Variants in SLCO4C1 observed in about 807,000 individuals in gnomAD.
SLCO4C1 encodes organic anion transporter M1.
In SLCO4C1, 58 loss-of-function variants were observed where a neutral mutation model predicts 72.1. The ratio of observed to expected loss-of-function variants is 0.80; its 90% CI spans 0.65 to 1.00. The LOEUF is 1.00. Ranked by LOEUF, SLCO4C1 falls within the 50% of genes least tolerant of loss-of-function variation. The pLI is 0.00. For synonymous variants in SLCO4C1, 297 were observed against 312.5 expected (o/e 0.95, Z 0.52); for missense variants, 898 against 857.9 (o/e 1.05, Z -0.58).
chr5:102,284,991 TGGAAA>T (rs976149740), intron 2 of SLCO4C1, among the ~76,000 whole-genome samples: 9 of 152,156 alleles, frequency 5.9e-5, no homozygotes, highest in African/African-American at 2.2e-4. Flanking sequence ...AGCAATAATC[TGGAAA>T]GGAAAAGAAA....
Position 102,247,375 on chromosome 5 carries a change from A to G in SLCO4C1, c.1688T>C (p.Phe563Ser). 1 of 1,597,326 alleles carries G rather than the reference A, an allele frequency of 6.3e-7. No individual in the cohort carries two copies. Among genetic ancestry groups the G allele is most frequent in the South Asian group, 1.1e-5 (1 of 89,198 alleles). The change falls in exon 10 of 13, where the codon TTT (phenylalanine) becomes TCT (serine). Residue 563 changes from phenylalanine (F) to serine (S), a missense_variant. Physicochemically the swap from Phe to Ser is radical, Grantham distance 155 (BLOSUM62 -2). Coordinates refer to ENST00000310954, the MANE Select transcript of SLCO4C1 (RefSeq NM_180991.5). ...EITSTAETFG[F>S]EAKAGKCETH... The stretch of plus-strand genomic sequence containing the variant: ...TTCACATTTTCCAGCTTTAGCTTCA[A>G]AACCAAAAGTTTCTGCAGTGGATGT...
intron 8 of SLCO4C1, among the ~76,000 whole-genome samples, chr5:102,250,116 G>C (rs1748711571): frequency 6.6e-6 from 1 of 152,136 alleles, no homozygotes; most frequent in Admixed American, 6.6e-5. Context: ...CAGCTTCTCT[G>C]ACTTCCACCA....
intron 12 of SLCO4C1, 58 bp downstream of exon 12, chr5:102,239,193 A>G (rs1049497857): frequency 1.8e-5 from 21 of 1,158,816 alleles, no homozygotes; most frequent in African/African-American, 1.3e-4. Flanking sequence ...CAACAATGAG[A>G]TTTTTTTTTT....
intron 2 of SLCO4C1, among the ~76,000 whole-genome samples, chr5:102,287,062 A>C (rs1252879224): frequency 6.6e-6 from 1 of 152,170 alleles, no homozygotes; most frequent in Non-Finnish European, 1.5e-5. Context: ...ATTAAATTAC[A>C]TGTATAATTT....
intron 12 of SLCO4C1, among the ~76,000 whole-genome samples, chr5:102,238,949 C>T (rs1748486556): frequency 6.6e-6 from 1 of 151,994 alleles, no homozygotes; most frequent in Admixed American, 6.6e-5. Context: ...TTTTAGCTTT[C>T]GAGTATACTT....
Position 102,240,701 on chromosome 5 carries a change from A to T in SLCO4C1, c.1876+17T>A, listed in dbSNP as rs761940100. On this transcript the variant is annotated intron_variant, in intron 11 of 12. Coordinates refer to ENST00000310954, the MANE Select transcript of SLCO4C1 (RefSeq NM_180991.5). Reference sequence around the variant, plus strand: ...AAATAGCCAACAGTTAGCAATGAATAAAGAAAAATGGCATACCTAATAATC... The same window carrying T: ...AAATAGCCAACAGTTAGCAATGAATTAAGAAAAATGGCATACCTAATAATC... The T allele has an allele frequency of 6.2e-7, 1 of 1,603,758 alleles. No homozygotes were observed. The highest frequency in any genetic ancestry group is 8.5e-7 in the Non-Finnish European group (1 of 1,173,368).
intron 2 of SLCO4C1, among the ~76,000 whole-genome samples, chr5:102,289,812 AAT>A (rs1229073585): frequency 2.0e-5 from 3 of 152,294 alleles, no homozygotes; most frequent in African/African-American, 7.2e-5. Flanking sequence ...ACATTTTAAA[AAT>A]ACTCTCCATT....
chr5:102,238,910 A>G (rs917613250), intron 12 of SLCO4C1, among the ~76,000 whole-genome samples: 1 of 152,174 alleles, frequency 6.6e-6, no homozygotes, highest in Non-Finnish European at 1.5e-5. Flanking sequence ...CTAGATGACA[A>G]TCATTCCAGG....
chr5:102,291,226 TG>T (rs1267214964), intron 2 of SLCO4C1, 116 bp downstream of exon 2: 1 of 1,010,428 alleles, frequency 9.9e-7, no homozygotes, highest in East Asian at 2.4e-5. Flanking sequence ...ACCAGTGAGG[TG>T]TGGAAGAGAT....
intron 2 of SLCO4C1, among the ~76,000 whole-genome samples, chr5:102,279,768 A>T (rs1749318600): frequency 6.6e-6 from 1 of 152,062 alleles, no homozygotes; most frequent in Non-Finnish European, 1.5e-5. Flanking sequence ...GGCATCAAAA[A>T]AATCAAAAAA....
At chr5:102,246,727 A>G (rs967089435) in intron 10 of SLCO4C1, among the ~76,000 whole-genome samples, 1 of 152,266 alleles carries the variant, frequency 6.6e-6, no homozygotes, top group Non-Finnish European at 1.5e-5. Context: ...TGATGACTCT[A>G]TGGAAGGACA....
At chr5:102,256,942 T>C (rs1748846911) in intron 8 of SLCO4C1, among the ~76,000 whole-genome samples, 173 bp downstream of exon 8, 1 of 152,168 alleles carries the variant, frequency 6.6e-6, no homozygotes, top group African/African-American at 2.4e-5. Context: ...CCCCAACTTT[T>C]AAGAAGACAT....
chr5:102,286,646 A>G (rs1749457533), intron 2 of SLCO4C1, among the ~76,000 whole-genome samples: 1 of 152,102 alleles, frequency 6.6e-6, no homozygotes, highest in South Asian at 2.1e-4. Context: ...CTTAATTTTA[A>G]TACTACCTCT....
At chr5:102,279,851 T>C (rs1749320025) in intron 2 of SLCO4C1, among the ~76,000 whole-genome samples, 1 of 151,886 alleles carries the variant, frequency 6.6e-6, no homozygotes, top group Non-Finnish European at 1.5e-5. Context: ...AGAAATCACA[T>C]GAACAATTGA....
At chr5:102,278,762 GTC>G (rs1474186551) in intron 2 of SLCO4C1, among the ~76,000 whole-genome samples, 2 of 151,788 alleles carry the variant, frequency 1.3e-5, no homozygotes, top group African/African-American at 2.4e-5. Flanking sequence ...CAAAAAGGAA[GTC>G]TCTAAGGAAA....
chr5:102,245,475 A>T (rs1748620278), intron 10 of SLCO4C1, among the ~76,000 whole-genome samples: 1 of 152,158 alleles, frequency 6.6e-6, no homozygotes, highest in African/African-American at 2.4e-5. Context: ...CAAGGGGTGA[A>T]TTCAGCAAGA....
At chr5:102,280,880 G>C (rs1749341848) in intron 2 of SLCO4C1, among the ~76,000 whole-genome samples, 1 of 152,094 alleles carries the variant, frequency 6.6e-6, no homozygotes, top group Non-Finnish European at 1.5e-5. Context: ...GATGAGATTT[G>C]AGTGGGGACA....
intron 2 of SLCO4C1, among the ~76,000 whole-genome samples, chr5:102,288,719 C>A (rs1419929975): frequency 6.6e-6 from 1 of 152,198 alleles, no homozygotes; most frequent in Non-Finnish European, 1.5e-5. Flanking sequence ...CCCTCCTCTG[C>A]TCCAAAGCCC....
intron 2 of SLCO4C1, among the ~76,000 whole-genome samples, chr5:102,275,212 C>T (rs1275169695): frequency 6.6e-6 from 1 of 151,774 alleles, no homozygotes; most frequent in Non-Finnish European, 1.5e-5. Flanking sequence ...AACTAAAACC[C>T]CATAGAAAAG....
Sources: allele counts gnomAD v4.1 joint callset (sites outside exome capture counted in the v4.1 genomes callset), GRCh38; gene constraint gnomAD v4.1.1; transcripts MANE v1.5; gene names NCBI Gene and HGNC (gene_info 2026-07-23, HGNC 2026-07-21).